The following STPG2 variants were observed in gnomAD, a reference collection of about 807,000 sequenced individuals.
The protein encoded by STPG2 is sperm tail PG-rich repeat containing 2.
STPG2 carries 56 observed loss-of-function variants against 54.2 expected under a neutral mutation model. The ratio of observed to expected loss-of-function variants is 1.03; its 90% CI spans 0.83 to 1.29. The LOEUF (loss-of-function observed/expected upper bound fraction) is 1.29. STPG2 is among the 50% of genes most tolerant of loss of function. The probability of loss-of-function intolerance (pLI) is 0.00; values close to 1 mark genes in which losing one functional copy is unlikely to be tolerated. For synonymous variants in STPG2, 200 were observed against 181.8 expected (o/e 1.10, Z -0.81); for missense variants, 596 against 544.9 (o/e 1.09, Z -0.93).
chr4:97,903,471 A>G (rs1257904721), intron 8 of STPG2, among the ~76,000 whole-genome samples: 1 of 152,122 alleles, frequency 6.6e-6, no homozygotes, highest in Non-Finnish European at 1.5e-5. Flanking sequence ...CAAATTAAAT[A>G]AAGTAAATAA....
At chr4:97,654,242 G>A (rs982104109) in intron 10 of STPG2, among the ~76,000 whole-genome samples, 2 of 151,940 alleles carry the variant, frequency 1.3e-5, no homozygotes, top group African/African-American at 4.8e-5. Flanking sequence ...ATGCACAAAT[G>A]TTCAACAGTC....
chr4:97,588,397 T>A (rs1007101956), intron 10 of STPG2, among the ~76,000 whole-genome samples: 1 of 152,098 alleles, frequency 6.6e-6, no homozygotes, highest in Non-Finnish European at 1.5e-5. Flanking sequence ...ATACATCCAA[T>A]TGGAAGGAGA....
intron 9 of STPG2, among the ~76,000 whole-genome samples, chr4:97,763,718 A>C (rs918133583): frequency 1.3e-5 from 2 of 152,180 alleles, no homozygotes; most frequent in African/African-American, 4.8e-5. Context: ...CCATGGAGGG[A>C]AACTATGACC....
chr4:97,928,921 G>T (rs1334675801), intron 8 of STPG2, among the ~76,000 whole-genome samples: 1 of 151,712 alleles, frequency 6.6e-6, no homozygotes, highest in Non-Finnish European at 1.5e-5. Context: ...TCCATGTGAA[G>T]GTTTGTTACA....
chr4:97,817,044 T>C (rs1727940274), intron 9 of STPG2, among the ~76,000 whole-genome samples: 2 of 148,896 alleles, frequency 1.3e-5, no homozygotes, highest in Admixed American at 6.7e-5. Context: ...TTCTGACAAA[T>C]ACAGGGTGTA....
At chr4:97,699,757 C>T (rs928150091) in intron 10 of STPG2, among the ~76,000 whole-genome samples, 3 of 152,166 alleles carry the variant, frequency 2.0e-5, no homozygotes, top group Non-Finnish European at 2.9e-5. Flanking sequence ...CTAGTCTTCT[C>T]TTTCTCTGTC....
At chr4:97,831,595 T>C (rs539140717) in intron 9 of STPG2, among the ~76,000 whole-genome samples, 7 of 152,240 alleles carry the variant, frequency 4.6e-5, no homozygotes, top group African/African-American at 1.7e-4. Flanking sequence ...GCTGCTTTTT[T>C]GAAAAGATCA....
intron 4 of STPG2, among the ~76,000 whole-genome samples, chr4:97,501,688 C>T (rs1440166857): frequency 1.3e-5 from 2 of 150,856 alleles, no homozygotes; most frequent in African/African-American, 4.9e-5. Flanking sequence ...AAAGTGAGAC[C>T]CTGTCTCAAA....
At chr4:97,956,940 A>T (rs574980284) in intron 7 of STPG2, among the ~76,000 whole-genome samples, 8 of 152,226 alleles carry the variant, frequency 5.3e-5, no homozygotes, top group Non-Finnish European at 4.4e-5. Context: ...TCAAAAAATC[A>T]CATTAGCTCA....
At chr4:97,860,777 T>C (rs191310133) in intron 8 of STPG2, among the ~76,000 whole-genome samples, 233 of 152,272 alleles carry the variant, frequency 1.5e-3, no homozygotes, top group African/African-American at 5.5e-3. Flanking sequence ...TACTTTCTCT[T>C]CTCTGATTTC....
At chr4:98,094,281 C>T (rs1323786265) in intron 5 of STPG2, among the ~76,000 whole-genome samples, 1 of 152,170 alleles carries the variant, frequency 6.6e-6, no homozygotes, top group African/African-American at 2.4e-5. Flanking sequence ...CAAAAGGAAA[C>T]CTGCTGCCTT....
At chr4:97,695,611 CA>C (rs1723543880) in intron 10 of STPG2, among the ~76,000 whole-genome samples, 1 of 151,924 alleles carries the variant, frequency 6.6e-6, no homozygotes, top group Non-Finnish European at 1.5e-5. Flanking sequence ...AAGATTCATC[CA>C]AAAAGCCCCT....
rs530726561 is a variant in STPG2 at position 97,961,075 on chromosome 4, A to G, written c.933+11205T>C. ...ACAGTCAACTGGTCTTCAACAAAGCAAACAAAAACATAAAATGGAAAAAAA... is the reference window on the plus strand; with the variant it reads ...ACAGTCAACTGGTCTTCAACAAAGCGAACAAAAACATAAAATGGAAAAAAA... On this transcript the variant is annotated intron_variant, in intron 7 of 10. Transcript: ENST00000295268. 7.6e-5 allele frequency among the ~76,000 whole-genome samples: 11 copies of G among 145,000 alleles called. No homozygotes were observed. In the South Asian group the frequency reaches 2.5e-3, roughly 33 times the overall value.
intron 4 of STPG2, among the ~76,000 whole-genome samples, chr4:97,482,915 A>C (rs748306873): frequency 1.3e-5 from 2 of 151,736 alleles, no homozygotes; most frequent in Non-Finnish European, 3.0e-5. Context: ...AGCCTCCTCA[A>C]ACAAAACAAT....
intron 9 of STPG2, among the ~76,000 whole-genome samples, chr4:97,715,692 C>T (rs1724263311): frequency 1.3e-5 from 2 of 151,928 alleles, no homozygotes; most frequent in South Asian, 4.1e-4. Context: ...ATGAAGGTGA[C>T]ACAAATCTAC....
rs532280313 is a variant in STPG2 at position 97,637,542 on chromosome 4, G to T, written c.1320+75157C>A. Among the ~76,000 whole-genome samples the T allele has an allele frequency of 9.5e-4, 144 of 152,260 alleles. 1 individual carries two copies. Among genetic ancestry groups the T allele is most frequent in the Middle Eastern group, 3.4e-3 (1 of 294 alleles). On this transcript the variant is annotated intron_variant, in intron 10 of 10. Transcript: ENST00000295268. ...AAAGGGTATTCAATTAGGAAAAGAG[G>T]AAGTCAAATTGTCCCTGTTTGCTGA...
At chr4:97,862,654 C>A (rs957702569) in intron 8 of STPG2, among the ~76,000 whole-genome samples, 4 of 152,154 alleles carry the variant, frequency 2.6e-5, no homozygotes, top group African/African-American at 9.7e-5. Flanking sequence ...TTCTTCTCAG[C>A]ACCACACCAC....
At chr4:97,558,236 A>G (rs1356786231), downstream of STPG2, among the ~76,000 whole-genome samples, 1 of 152,208 alleles carries the variant, frequency 6.6e-6, no homozygotes. Flanking sequence ...GGGAAATGTT[A>G]CTTACTGATT....
chr4:97,976,900 A>G lies in STPG2; in HGVS notation c.772+4259T>C, dbSNP rs575322819. On this transcript the variant is annotated intron_variant, in intron 6 of 10. Transcript: ENST00000295268. ...AATCTTAGAGTAACTGGGCCACTCA[A>G]TAAGTTAATACTTAGAAATAATTTG... is the stretch of plus-strand genomic sequence containing the variant. Among the ~76,000 whole-genome samples, 10 of 152,322 alleles carry G rather than the reference A, an allele frequency of 6.6e-5. No individual in the cohort carries two copies. The South Asian group carries it at 1.2e-3, about 19-fold the overall frequency.
Sources: gnomAD v4.1 joint callset for allele counts (sites outside exome capture counted in the v4.1 genomes callset) on GRCh38, gnomAD v4.1.1 for gene constraint, MANE v1.5 for transcripts, NCBI Gene and HGNC (gene_info 2026-07-23, HGNC 2026-07-21) for gene names.